CRADD: variants seen among roughly 807,000 people sequenced by gnomAD.
The protein encoded by CRADD is CARD and death domain containing adaptor protein, also known as death domain-containing protein CRADD.
Under a neutral mutation model 15.5 loss-of-function variants are expected in CRADD, and 9 were observed. The observed-to-expected ratio is 0.58, with a 90% CI of 0.35 to 1.01. CRADD has a LOEUF of 1.01. CRADD is among the 50% of genes least tolerant of loss of function. CRADD has a pLI of 0.02. For synonymous variants in CRADD, 118 were observed against 107.6 expected (o/e 1.10, Z -0.60); for missense variants, 227 against 250.3 (o/e 0.91, Z 0.63).
chr12:93,691,536 G>A (rs1955573434), intron 2 of CRADD, among the ~76,000 whole-genome samples: 1 of 152,180 alleles, frequency 6.6e-6, no homozygotes, highest in Non-Finnish European at 1.5e-5. Flanking sequence ...TTACAGGCAT[G>A]AGCCACCGTG....
chr12:93,699,867 G>C (rs1955800151), intron 2 of CRADD, among the ~76,000 whole-genome samples: 1 of 152,228 alleles, frequency 6.6e-6, no homozygotes, highest in Non-Finnish European at 1.5e-5. Flanking sequence ...CCTTCAAGGA[G>C]TTTGAAGTCT....
At chr12:93,678,534 A>G (rs929426959) in intron 1 of CRADD, among the ~76,000 whole-genome samples, 2 of 151,444 alleles carry the variant, frequency 1.3e-5, no homozygotes, top group Non-Finnish European at 2.9e-5. Context: ...CTGGGACCCC[A>G]TTGTGTGAAA....
At chr12:93,782,712 A>G (rs1957225845) in intron 2 of CRADD, among the ~76,000 whole-genome samples, 1 of 152,162 alleles carries the variant, frequency 6.6e-6, no homozygotes. Flanking sequence ...TAAACAGGCA[A>G]AAATAAAACA....
intron 2 of CRADD, among the ~76,000 whole-genome samples, chr12:93,746,158 A>G (rs564416245): frequency 3.3e-5 from 5 of 152,234 alleles, no homozygotes; most frequent in Non-Finnish European, 7.3e-5. Context: ...TTAATGAGCT[A>G]CAGGATTCAC....
At chr12:93,892,620 G>A (rs1011093081) in intron 2 of CRADD, among the ~76,000 whole-genome samples, 2 of 152,156 alleles carry the variant, frequency 1.3e-5, no homozygotes, top group African/African-American at 2.4e-5. Flanking sequence ...GGGTGGGCAC[G>A]TTGGGTGCCA....
rs146420292 is a variant in CRADD, at chr12:93,814,078, A to T, written c.299-35892A>T. On this transcript the variant is annotated intron_variant, in intron 2 of 2. Transcript: ENST00000332896. Reference sequence around the variant, plus strand: ...GTCCAGTGGCCATGAGAGGTTTCTCAGCTGCCTGCCAATTCTCTTCTGGGA... The same window carrying T: ...GTCCAGTGGCCATGAGAGGTTTCTCTGCTGCCTGCCAATTCTCTTCTGGGA... Among the ~76,000 whole-genome samples the T allele has an allele frequency of 4.1e-4, 63 of 152,346 alleles. No individual in the cohort carries two copies. In the East Asian group the frequency reaches 0.011, roughly 27 times the overall value.
chr12:93,809,913 C>G (rs887730534), intron 2 of CRADD, among the ~76,000 whole-genome samples: 5 of 152,288 alleles, frequency 3.3e-5, no homozygotes, highest in Non-Finnish European at 2.9e-5. Context: ...TGATAGAAAT[C>G]TAACCACTTC....
At chr12:93,883,572 C>G (rs978820019) in intron 2 of CRADD, among the ~76,000 whole-genome samples, 3 of 152,112 alleles carry the variant, frequency 2.0e-5, no homozygotes, top group African/African-American at 7.2e-5. Flanking sequence ...AATCCCAGCA[C>G]TTTAGAAGGC....
At chr12:93,685,708 T>C (rs928398493) in intron 2 of CRADD, among the ~76,000 whole-genome samples, 1 of 152,138 alleles carries the variant, frequency 6.6e-6, no homozygotes, top group Non-Finnish European at 1.5e-5. Flanking sequence ...TATAAAAAAA[T>C]AGGCCAGGCA....
intron 2 of CRADD, among the ~76,000 whole-genome samples, chr12:93,893,460 A>C (rs1459879817): frequency 1.3e-5 from 2 of 152,168 alleles, no homozygotes; most frequent in Non-Finnish European, 2.9e-5. Context: ...CATTAACCTC[A>C]GGCAGACACG....
chr12:93,703,640 G>T (rs531329892), intron 2 of CRADD, among the ~76,000 whole-genome samples: 158 of 152,118 alleles, frequency 1.0e-3, no homozygotes, highest in African/African-American at 3.7e-3. Context: ...GGGATTACAG[G>T]CAGGAACCAC....
chr12:93,786,960 A>G (rs894218632), intron 2 of CRADD, among the ~76,000 whole-genome samples: 5 of 152,186 alleles, frequency 3.3e-5, no homozygotes, highest in Non-Finnish European at 5.9e-5. Flanking sequence ...TGTTGCCTAC[A>G]AGTATGTTTC....
rs1380137661 is a variant in CRADD, at chr12:93,806,468, AAAAAC to A, written c.299-43497_299-43493del. Among the ~76,000 whole-genome samples the A allele has an allele frequency of 5.3e-3, 792 of 148,772 alleles. 14 individuals carry two copies. The highest frequency in any genetic ancestry group is 0.016 in the African/African-American group (646 of 40,514). The stretch of plus-strand genomic sequence containing the variant: ...CTCCATCTCAAAAAAAAAAAAAAAA[AAAAAC>A]AAAAAAAAGAAAAAAAAGGATGGAC... On this transcript the variant is annotated intron_variant, in intron 2 of 2. Transcript: ENST00000332896.
chr12:93,748,157 C>T (rs1956784734), intron 2 of CRADD, among the ~76,000 whole-genome samples: 1 of 152,170 alleles, frequency 6.6e-6, no homozygotes, highest in Non-Finnish European at 1.5e-5. Context: ...AATGCGAGTT[C>T]AGTAGATGGT....
At chr12:93,698,457 T>C (rs1955764819) in intron 2 of CRADD, among the ~76,000 whole-genome samples, 1 of 152,250 alleles carries the variant, frequency 6.6e-6, no homozygotes, top group African/African-American at 2.4e-5. Context: ...CATGCTGCTA[T>C]TTCAACTATT....
At chr12:93,817,365 C>G (rs1293786663) in intron 2 of CRADD, among the ~76,000 whole-genome samples, 1 of 152,150 alleles carries the variant, frequency 6.6e-6, no homozygotes, top group African/African-American at 2.4e-5. Flanking sequence ...TGGAGCTTAA[C>G]CAGGCAAAGT....
At position 93,788,932 on chromosome 12, in the gene CRADD, T is replaced by C. The variant is rs527391690; in HGVS notation, c.299-61038T>C. Among the ~76,000 whole-genome samples, 20 of 152,262 alleles carry C rather than the reference T, an allele frequency of 1.3e-4. No homozygotes were observed. In the South Asian group the frequency reaches 3.9e-3, roughly 30 times the overall value. ...TTCCATAGTGGAGCCTGGGCTACTC[T>C]GAAATAGAAGCACCTCTCCTTCCTT... On this transcript the variant is annotated intron_variant, in intron 2 of 2. Transcript: ENST00000332896.
intron 2 of CRADD, chr12:93,738,141 C>T: frequency 1.7e-6 from 1 of 596,026 alleles, no homozygotes; most frequent in South Asian, 2.1e-5. Flanking sequence ...TCATGTTCTG[C>T]TGTTTCTTAG....
chr12:93,761,914 T>C (rs1956970112), intron 2 of CRADD, among the ~76,000 whole-genome samples: 2 of 152,234 alleles, frequency 1.3e-5, no homozygotes, highest in Non-Finnish European at 2.9e-5. Context: ...TAAAGGAGGA[T>C]GAATACGGCA....
Sources: gnomAD v4.1 joint callset for allele counts (sites outside exome capture counted in the v4.1 genomes callset) on GRCh38, gnomAD v4.1.1 for gene constraint, MANE v1.5 for transcripts, NCBI Gene and HGNC (gene_info 2026-07-23, HGNC 2026-07-21) for gene names.